ARHGAP17: variants seen among roughly 807,000 people sequenced by gnomAD.
ARHGAP17 encodes the protein rho GTPase-activating protein 17.
In ARHGAP17, 57 loss-of-function variants were observed where a neutral mutation model predicts 99.5. The observed-to-expected ratio is 0.57, with a 90% CI of 0.46 to 0.71. The LOEUF (loss-of-function observed/expected upper bound fraction) is 0.71. ARHGAP17 is among the 30% of genes least tolerant of loss of function. ARHGAP17 has a pLI of 0.00. For synonymous variants in ARHGAP17, 417 were observed against 429.6 expected, an observed-to-expected ratio of 0.97 and a Z score of 0.36; for missense variants, 1,000 against 1,122.4, an observed-to-expected ratio of 0.89 and a Z score of 1.56.
At chr16:24,937,267 C>G (rs2051167444) in intron 17 of ARHGAP17, among the ~76,000 whole-genome samples, 1 of 151,626 alleles carries the variant, frequency 6.6e-6, no homozygotes, top group African/African-American at 2.4e-5. Context: ...ACTGAAAATA[C>G]AAAAATTAGC....
chr16:25,013,744 T>G (rs1355442244), intron 1 of ARHGAP17: 1 of 152,204 alleles, frequency 6.6e-6, no homozygotes, highest in East Asian at 1.9e-4. Flanking sequence ...GTCCCTTACC[T>G]GTCACGAACA....
At chr16:24,947,098 C>A (rs1037402010) in intron 14 of ARHGAP17, among the ~76,000 whole-genome samples, 1 of 152,174 alleles carries the variant, frequency 6.6e-6, no homozygotes, top group Non-Finnish European at 1.5e-5. Context: ...TCCTGTTAAC[C>A]TGTCTTATGT....
intron 7 of ARHGAP17, among the ~76,000 whole-genome samples, chr16:24,960,502 G>A (rs1440769563): frequency 6.6e-6 from 1 of 152,026 alleles, no homozygotes; most frequent in Non-Finnish European, 1.5e-5. Context: ...CTGAGATCGT[G>A]TGCCACTGCA....
chr16:24,947,435 C>T (rs1308025996), intron 14 of ARHGAP17, 47 bp downstream of exon 14: 1 of 1,485,380 alleles, frequency 6.7e-7, no homozygotes, highest in African/African-American at 1.4e-5. Flanking sequence ...TGCATCCCAT[C>T]AGGTGGGAAA....
chr16:24,982,996 ATTTTTTTTTTT>A (rs1193522045), intron 1 of ARHGAP17, among the ~76,000 whole-genome samples: 74 of 46,946 alleles, frequency 1.6e-3, no homozygotes, highest in South Asian at 4.5e-3. Flanking sequence ...ATATATATAT[ATTTTTTTTTTT>A]TTTTTTTTTT....
chr16:24,972,635 TATTAAAG>T (rs1325528998), intron 3 of ARHGAP17: 1 of 152,198 alleles, frequency 6.6e-6, no homozygotes, highest in Non-Finnish European at 1.5e-5. Context: ...GTTAAATACC[TATTAAAG>T]ATCAATGCAA....
chr16:24,971,610 G>A (rs2052365217), intron 3 of ARHGAP17, among the ~76,000 whole-genome samples: 1 of 152,200 alleles, frequency 6.6e-6, no homozygotes. Context: ...TTGCAGGCAT[G>A]AGCCACCGCA....
chr16:24,963,464 A>G (rs746497319), intron 7 of ARHGAP17, among the ~76,000 whole-genome samples: 54 of 152,356 alleles, frequency 3.5e-4, no homozygotes, highest in Admixed American at 8.5e-4. Flanking sequence ...AAATAAAAAA[A>G]CAATTTTTTT....
At chr16:25,006,664 C>A (rs780535068) in intron 1 of ARHGAP17, among the ~76,000 whole-genome samples, 6 of 152,108 alleles carry the variant, frequency 3.9e-5, no homozygotes, top group Non-Finnish European at 8.8e-5. Flanking sequence ...ACTGTTGCAA[C>A]TATTCAACCC....
At chr16:24,931,489 C>A in intron 18 of ARHGAP17, 85 bp from the exon 19 acceptor site, 1 of 1,356,574 alleles carries the variant, frequency 7.4e-7, no homozygotes, top group East Asian at 2.5e-5. Context: ...TTAACATCAC[C>A]AGTAATAAGG....
chr16:24,942,938 A>G (rs1317630562), intron 15 of ARHGAP17, among the ~76,000 whole-genome samples: 1 of 152,166 alleles, frequency 6.6e-6, no homozygotes, highest in Non-Finnish European at 1.5e-5. Context: ...TGGGCAACCT[A>G]TATGAATGAG....
chr16:24,964,443 A>G, intron 6 of ARHGAP17, 135 bp from the exon 7 acceptor site: 2 of 649,918 alleles, frequency 3.1e-6, no homozygotes, highest in Non-Finnish European at 5.4e-6. Flanking sequence ...CAGGATGCCA[A>G]ATTCTCTTGA....
intron 3 of ARHGAP17, among the ~76,000 whole-genome samples, chr16:24,972,998 G>A (rs370354872): frequency 2.0e-4 from 30 of 151,334 alleles, no homozygotes; most frequent in African/African-American, 6.3e-4. Flanking sequence ...TCAGTGACGC[G>A]ATCTCAGCTC....
At chr16:24,951,921 G>T (rs1003705601) in intron 12 of ARHGAP17, among the ~76,000 whole-genome samples, 1 of 152,150 alleles carries the variant, frequency 6.6e-6, no homozygotes, top group Non-Finnish European at 1.5e-5. Context: ...TATCGCACAG[G>T]TGAGACTGCA....
intron 1 of ARHGAP17, among the ~76,000 whole-genome samples, chr16:25,012,675 TACAC>T (rs1384514059): frequency 2.0e-5 from 3 of 152,150 alleles, no homozygotes; most frequent in Non-Finnish European, 4.4e-5. Flanking sequence ...AGAAAACACA[TACAC>T]ACACACATCT....
chr16:24,970,635 T>C, intron 3 of ARHGAP17, 55 bp from the exon 4 acceptor site: 22 of 1,491,242 alleles, frequency 1.5e-5, no homozygotes, highest in Non-Finnish European at 2.0e-5. Context: ...CCATTCTCAA[T>C]GATCTTTTTC....
intron 1 of ARHGAP17, among the ~76,000 whole-genome samples, chr16:25,002,035 C>T (rs1011542320): frequency 2.0e-5 from 3 of 151,272 alleles, no homozygotes; most frequent in East Asian, 1.9e-4. Context: ...GAACCAAGAT[C>T]GCACCACTGC....
chr16:24,995,893 T>C (rs1356165823), intron 1 of ARHGAP17, among the ~76,000 whole-genome samples: 1 of 152,176 alleles, frequency 6.6e-6, no homozygotes, highest in African/African-American at 2.4e-5. Flanking sequence ...ACCAACTTTT[T>C]CTTCTCTTTT....
At chr16:24,980,386 T>G (rs187585342) in intron 1 of ARHGAP17, among the ~76,000 whole-genome samples, 1 of 152,284 alleles carries the variant, frequency 6.6e-6, no homozygotes, top group African/African-American at 2.4e-5. Context: ...ACTCACCAGT[T>G]TCTGCAGGAA....
Sources: allele counts gnomAD v4.1 joint callset (sites outside exome capture counted in the v4.1 genomes callset), GRCh38; gene constraint gnomAD v4.1.1; transcripts MANE v1.5; gene names NCBI Gene and HGNC (gene_info 2026-07-23, HGNC 2026-07-21).